The following HDAC4 variants were observed in gnomAD, a reference collection of about 807,000 sequenced individuals.
HDAC4 encodes histone deacetylase A.
Under a neutral mutation model 135.1 loss-of-function variants are expected in HDAC4, and 16 were observed. The observed-to-expected ratio is 0.12, with a 90% confidence interval of 0.08 to 0.18. The LOEUF is 0.18. HDAC4 is among the 10% of genes least tolerant of loss of function. The pLI, the probability that HDAC4 is intolerant of heterozygous loss-of-function variation, is 1.00. For synonymous variants in HDAC4, 685 were observed against 653.4 expected (o/e 1.05, Z -0.74); for missense variants, 1,143 against 1,511.8 (o/e 0.76, Z 4.05).
At chr2:239,389,864 C>T (rs571970998) in intron 1 of HDAC4, among the ~76,000 whole-genome samples, 4 of 152,226 alleles carry the variant, frequency 2.6e-5, no homozygotes, top group Non-Finnish European at 4.4e-5. Context: ...CTGAGCCACT[C>T]GGTGCGCTCT....
chr2:239,109,978 G>A (rs72998182), intron 14 of HDAC4, among the ~76,000 whole-genome samples: 2,946 of 152,336 alleles, frequency 0.019, 54 homozygotes, highest in Non-Finnish European at 0.027. Flanking sequence ...ACACAGCTGA[G>A]GGTGGCAGAG....
At chr2:239,081,386 A>G (rs1485512331) in intron 21 of HDAC4, among the ~76,000 whole-genome samples, 194 bp from the exon 22 acceptor site, 4 of 152,232 alleles carry the variant, frequency 2.6e-5, no homozygotes, top group Non-Finnish European at 5.9e-5. Context: ...GCACACTGAC[A>G]TCAGCAAGGG....
chr2:239,137,654 C>T (rs967834175), intron 9 of HDAC4, among the ~76,000 whole-genome samples: 5 of 152,198 alleles, frequency 3.3e-5, no homozygotes, highest in African/African-American at 9.7e-5. Context: ...CCACTCGAGA[C>T]ACCCCCTCTG....
chr2:239,113,105 C>A (rs753873280), intron 13 of HDAC4, among the ~76,000 whole-genome samples: 1 of 152,190 alleles, frequency 6.6e-6, no homozygotes, highest in Non-Finnish European at 1.5e-5. Flanking sequence ...AAAAAATTAG[C>A]CAGGCGTGAT....
chr2:239,199,588 C>T (rs55659837), intron 3 of HDAC4, among the ~76,000 whole-genome samples: 4,657 of 152,230 alleles, frequency 0.031, 83 homozygotes, highest in East Asian at 0.099. Context: ...GTGTGTTTTC[C>T]GGTCACTGTT....
intron 2 of HDAC4, among the ~76,000 whole-genome samples, chr2:239,255,015 C>T (rs553870799): frequency 1.3e-5 from 2 of 152,352 alleles, no homozygotes; most frequent in South Asian, 2.1e-4. Flanking sequence ...ACCTGCAATT[C>T]TACACCTATC....
In HDAC4 at chr2:239,115,193, C is replaced by A. The variant is rs753927060; in HGVS notation, c.1651G>T (p.Gly551Trp). 3.3e-5 allele frequency: 53 copies of A among 1,611,106 alleles called. No individual in the cohort carries two copies. The highest frequency in any genetic ancestry group is 2.0e-4 in the Admixed American group (12 of 60,002). ...LDEPYLDRLP[G>W]QKEAHAQAGV... ...GCCTGTGCGTGCGCCTCCTTCTGCC[C>A]CGGCAGCCGGTCCAGGTAGGGCTCG... is the stretch of plus-strand genomic sequence containing the variant. The change falls in exon 13 of 27, where the codon GGG becomes TGG. Residue 551 changes from glycine to tryptophan, a missense_variant. Coordinates refer to ENST00000543185, the MANE Select transcript of HDAC4 (RefSeq NM_001378414.1). This position sits in a 1 kb window ranked among gnomAD's most constrained non-coding sequence, Gnocchi z 6.3.
At position 239,068,435 on chromosome 2, in the gene HDAC4, C is replaced by T. The variant is rs190126173; in HGVS notation, c.2869+54G>A. ...AGGGGACCTGACACGCGGAACACAG[C>T]GGATCATGGACATGAGCAGAACCGG... is the stretch of plus-strand genomic sequence containing the variant. On this transcript the variant is annotated intron_variant, in intron 23 of 26. Transcript: ENST00000543185. The surrounding 1 kb of genome is among the most constrained non-coding windows in gnomAD (Gnocchi z 4.4). 7.2e-5 allele frequency: 91 copies of T among 1,268,806 alleles called. 1 individual carries two copies. The highest frequency in any genetic ancestry group is 2.0e-4 in the Admixed American group (12 of 59,490). The allele number at this position is 1,268,806 out of a possible 1,614,324, so 78.6% of individuals were successfully genotyped here.
intron 2 of HDAC4, among the ~76,000 whole-genome samples, chr2:239,335,364 T>TAA (rs766194765): frequency 8.0e-5 from 11 of 137,538 alleles, no homozygotes; most frequent in African/African-American, 2.6e-4. Context: ...ACCTCACACA[T>TAA]AAAAAAAAAA....
intron 5 of HDAC4, among the ~76,000 whole-genome samples, chr2:239,164,369 A>G (rs904476903): frequency 8.5e-5 from 13 of 152,238 alleles, no homozygotes; most frequent in Non-Finnish European, 2.9e-5. Flanking sequence ...GCTTCCTTCT[A>G]CACCTGCGCC....
intron 3 of HDAC4, 31 bp from the exon 4 acceptor site, chr2:239,190,108 A>C (rs2153043395): frequency 6.3e-7 from 1 of 1,578,390 alleles, no homozygotes. Context: ...AGAGCCGGTC[A>C]CTGCCGCCCT....
chr2:239,118,730 C>T (rs538741077), intron 12 of HDAC4, among the ~76,000 whole-genome samples: 36 of 152,218 alleles, frequency 2.4e-4, no homozygotes, highest in Non-Finnish European at 4.3e-4. Context: ...CGACTGTTTC[C>T]GGTTAGACTT....
intron 8 of HDAC4, among the ~76,000 whole-genome samples, chr2:239,143,592 C>T (rs1167138964): frequency 6.6e-6 from 1 of 152,232 alleles, no homozygotes; most frequent in Non-Finnish European, 1.5e-5. Flanking sequence ...CAGACCCTTA[C>T]ACCGTGGTTA....
At chr2:239,170,545 C>T (rs983346880) in intron 5 of HDAC4, among the ~76,000 whole-genome samples, 10 of 152,126 alleles carry the variant, frequency 6.6e-5, no homozygotes, top group African/African-American at 1.2e-4. Context: ...CCAGACAAAA[C>T]GAAGAACATA....
chr2:239,199,881 C>T (rs117725867), intron 3 of HDAC4, among the ~76,000 whole-genome samples: 2,783 of 152,252 alleles, frequency 0.018, 86 homozygotes, highest in East Asian at 0.14. Context: ...CTACTACAGA[C>T]GCCAGCCACC....
At chr2:239,087,697 T>TG in intron 18 of HDAC4, 83 bp from the exon 19 acceptor site, 7 of 1,304,928 alleles carry the variant, frequency 5.4e-6, no homozygotes, top group Non-Finnish European at 7.7e-6. Flanking sequence ...CACTCAACTT[T>TG]TAGCAGAGTT....
chr2:239,290,936 T>A (rs539148167), intron 2 of HDAC4, among the ~76,000 whole-genome samples: 15 of 152,086 alleles, frequency 9.9e-5, no homozygotes, highest in Non-Finnish European at 1.9e-4. Context: ...AGGCAAGGGG[T>A]GGGGATTTTT....
intron 2 of HDAC4, among the ~76,000 whole-genome samples, chr2:239,289,374 T>C (rs564835536): frequency 6.6e-6 from 1 of 152,364 alleles, no homozygotes; most frequent in Admixed American, 6.5e-5. Flanking sequence ...GTCTGTGTTT[T>C]GTCTTAGTCG....
At position 239,094,844 on chromosome 2, in the gene HDAC4, A is replaced by G. The variant is rs555041153; in HGVS notation, c.2280+166T>C. The stretch of plus-strand genomic sequence containing the variant: ...AAAGGTGCCCGAGTCGGCGATCAAA[A>G]CGCTCTCGGCTCACACGGCCTTTGA... On this transcript the variant is annotated intron_variant, in intron 17 of 26. Transcript: ENST00000543185. 2.0e-6 allele frequency: 3 copies of G among 1,536,720 alleles called. No individual in the cohort carries two copies. In the East Asian group the frequency reaches 7.2e-5, roughly 37 times the overall value.
Sources: allele counts gnomAD v4.1 joint callset (sites outside exome capture counted in the v4.1 genomes callset), GRCh38; gene constraint gnomAD v4.1.1; non-coding constraint Gnocchi (gnomAD v3.1); transcripts MANE v1.5; gene names NCBI Gene and HGNC (gene_info 2026-07-23, HGNC 2026-07-21).